The following GNAQ variants were observed in gnomAD, a reference collection of about 807,000 sequenced individuals.
GNAQ encodes the protein G protein subunit alpha q, also known as guanine nucleotide-binding protein G(q) subunit alpha.
A neutral mutation model predicts 43.9 loss-of-function variants in GNAQ; 8 were observed. The ratio of observed to expected loss-of-function variants is 0.18; its 90% CI spans 0.11 to 0.33. The LOEUF is 0.33. Among genes scored for constraint, GNAQ ranks in the 10% least tolerant of loss-of-function variants. The probability of loss-of-function intolerance (pLI) is 1.00; values close to 1 mark genes in which losing one functional copy is unlikely to be tolerated. For missense variants in GNAQ, 158 were observed against 450.8 expected (o/e 0.35, Z 5.88); for synonymous variants, 155 against 170.7 (o/e 0.91, Z 0.71).
intron 2 of GNAQ, among the ~76,000 whole-genome samples, chr9:77,865,051 C>A (rs539603971): frequency 6.6e-6 from 1 of 152,146 alleles, no homozygotes. Flanking sequence ...GAAAATTAAC[C>A]CCTTTTCACC....
At chr9:77,859,999 TC>T (rs1827817999) in intron 2 of GNAQ, among the ~76,000 whole-genome samples, 1 of 152,188 alleles carries the variant, frequency 6.6e-6, no homozygotes, top group South Asian at 2.1e-4. Flanking sequence ...TGCACAGACA[TC>T]TATAATTTAT....
At chr9:77,810,614 C>G (rs562020062) in intron 3 of GNAQ, among the ~76,000 whole-genome samples, 1 of 152,144 alleles carries the variant, frequency 6.6e-6, no homozygotes, top group Non-Finnish European at 1.5e-5. Flanking sequence ...GACTTGAATG[C>G]CTTCGGCTCT....
chr9:77,841,091 AC>A (rs1368068945), intron 2 of GNAQ, among the ~76,000 whole-genome samples: 1 of 152,082 alleles, frequency 6.6e-6, no homozygotes, highest in Non-Finnish European at 1.5e-5. Flanking sequence ...TGTTAAAAAA[AC>A]AAACAAACAA....
At chr9:77,825,413 T>G (rs760263112) in intron 2 of GNAQ, among the ~76,000 whole-genome samples, 1 of 152,150 alleles carries the variant, frequency 6.6e-6, no homozygotes, top group African/African-American at 2.4e-5. Context: ...GTGTGGTGTC[T>G]TCGTGGACCT....
intron 2 of GNAQ, among the ~76,000 whole-genome samples, chr9:77,879,412 C>T (rs894723699): frequency 1.7e-4 from 26 of 152,184 alleles, no homozygotes; most frequent in South Asian, 8.3e-4. Context: ...TAGAGGCACC[C>T]ACCACCACAT....
chr9:77,824,260 G>A (rs979071275), intron 2 of GNAQ, among the ~76,000 whole-genome samples: 1 of 152,120 alleles, frequency 6.6e-6, no homozygotes, highest in Non-Finnish European at 1.5e-5. Flanking sequence ...CTTCTTGGTA[G>A]ACCTTAATAG....
chr9:77,859,852 C>G (rs1465925349), intron 2 of GNAQ, among the ~76,000 whole-genome samples: 1 of 152,150 alleles, frequency 6.6e-6, no homozygotes, highest in Non-Finnish European at 1.5e-5. Context: ...TACAGTTATT[C>G]TTGGTCTCAA....
At chr9:77,725,040 T>C (rs1825376662) in intron 6 of GNAQ, among the ~76,000 whole-genome samples, 1 of 152,152 alleles carries the variant, frequency 6.6e-6, no homozygotes, top group African/African-American at 2.4e-5. Context: ...AACTTCTGTA[T>C]GATTTTGTAC....
chr9:77,761,914 C>T (rs1230998303), intron 5 of GNAQ, among the ~76,000 whole-genome samples: 2 of 119,942 alleles, frequency 1.7e-5, no homozygotes, highest in South Asian at 2.9e-4. Context: ...GTCAGCCCCC[C>T]GCCCGGCCAG....
At chr9:77,985,783 T>C (rs1564170926) in intron 1 of GNAQ, among the ~76,000 whole-genome samples, 1 of 152,078 alleles carries the variant, frequency 6.6e-6, no homozygotes, top group Non-Finnish European at 1.5e-5. Context: ...AGATGGGGTT[T>C]CACTGTGTTG....
chr9:77,809,490 C>A (rs752188859), intron 3 of GNAQ, among the ~76,000 whole-genome samples: 3 of 152,134 alleles, frequency 2.0e-5, no homozygotes, highest in Admixed American at 6.5e-5. Flanking sequence ...AAAAAGTGAA[C>A]CTACAACCAT....
intron 1 of GNAQ, among the ~76,000 whole-genome samples, chr9:77,932,923 T>G (rs573897917): frequency 6.1e-4 from 92 of 151,608 alleles, no homozygotes; most frequent in Non-Finnish European, 1.2e-3. Context: ...GGAGGGATAG[T>G]TTGGAGATGG....
intron 5 of GNAQ, among the ~76,000 whole-genome samples, chr9:77,754,345 C>T (rs1035418407): frequency 3.9e-5 from 6 of 152,176 alleles, no homozygotes; most frequent in Non-Finnish European, 5.9e-5. Context: ...TCACTAGCAT[C>T]CCAAGCATCT....
chr9:77,771,911 C>A (rs1380335372), intron 5 of GNAQ, among the ~76,000 whole-genome samples: 4 of 150,798 alleles, frequency 2.7e-5, no homozygotes, highest in Admixed American at 1.3e-4. Flanking sequence ...TCAAAAACAA[C>A]AAAAAAAAAC....
chr9:77,831,462 T>C (rs1448314346), intron 2 of GNAQ, among the ~76,000 whole-genome samples: 1 of 152,214 alleles, frequency 6.6e-6, no homozygotes, highest in African/African-American at 2.4e-5. Context: ...TAATGTGTTC[T>C]AGTATCTACG....
chr9:78,015,336 T>C (rs151118778), intron 1 of GNAQ, among the ~76,000 whole-genome samples: 140 of 152,252 alleles, frequency 9.2e-4, no homozygotes, highest in African/African-American at 3.2e-3. Context: ...GCTCACACAA[T>C]AACAACATCA....
chr9:77,767,093 T>A (rs1826148549), intron 5 of GNAQ, among the ~76,000 whole-genome samples: 1 of 152,124 alleles, frequency 6.6e-6, no homozygotes, highest in Non-Finnish European at 1.5e-5. Flanking sequence ...GGGTCTGTCA[T>A]AAACCAAATA....
At chr9:77,961,530 T>C (rs900991402) in intron 1 of GNAQ, among the ~76,000 whole-genome samples, 1 of 152,138 alleles carries the variant, frequency 6.6e-6, no homozygotes, top group Non-Finnish European at 1.5e-5. Flanking sequence ...TGGGAACACA[T>C]AGTCTGAACA....
chr9:77,723,613 A>G (rs371886518), intron 6 of GNAQ, among the ~76,000 whole-genome samples: 9 of 152,380 alleles, frequency 5.9e-5, no homozygotes, highest in African/African-American at 2.2e-4. Context: ...AGCCATAAAA[A>G]AGAGTAAAGC....
Sources: gnomAD v4.1 joint callset for allele counts (sites outside exome capture counted in the v4.1 genomes callset) on GRCh38, gnomAD v4.1.1 for gene constraint, MANE v1.5 for transcripts, NCBI Gene and HGNC (gene_info 2026-07-23, HGNC 2026-07-21) for gene names.